Variants in PCDH15 observed in about 807,000 individuals in gnomAD.
PCDH15 encodes protocadherin-15.
PCDH15 carries 129 observed loss-of-function variants against 178.5 expected under a neutral mutation model. The observed-to-expected ratio is 0.72, with a 90% CI of 0.63 to 0.84. The LOEUF (loss-of-function observed/expected upper bound fraction) is 0.84, where lower values mean the gene tolerates loss of function less well. PCDH15 is among the 40% of genes least tolerant of loss of function. PCDH15 has a pLI of 0.00. For synonymous variants in PCDH15, 800 were observed against 732.0 expected, an observed-to-expected ratio of 1.09 and a Z score of -1.50; for missense variants, 2,230 against 2,099.9, an observed-to-expected ratio of 1.06 and a Z score of -1.21.
chr10:54,478,808 T>TA (rs1054082732), intron 3 of PCDH15, among the ~76,000 whole-genome samples: 15 of 151,802 alleles, frequency 9.9e-5, no homozygotes, highest in East Asian at 1.9e-4. Flanking sequence ...ACAGCTGCGG[T>TA]AAAAAAAATC....
intron 3 of PCDH15, among the ~76,000 whole-genome samples, chr10:54,850,322 A>C (rs768581345): frequency 6.6e-6 from 1 of 152,078 alleles, no homozygotes; most frequent in Non-Finnish European, 1.5e-5. Context: ...TTGTGGGAAC[A>C]GGTGGTATTT....
At chr10:55,019,675 A>G (rs977310746) in intron 2 of PCDH15, among the ~76,000 whole-genome samples, 6 of 152,186 alleles carry the variant, frequency 3.9e-5, no homozygotes, top group Non-Finnish European at 7.4e-5. Flanking sequence ...ATCTGTTGCC[A>G]GTATTCATGA....
At chr10:55,454,372 A>G (rs1465104220) in intron 2 of PCDH15, among the ~76,000 whole-genome samples, 1 of 152,126 alleles carries the variant, frequency 6.6e-6, no homozygotes, top group Non-Finnish European at 1.5e-5. Flanking sequence ...CCCCCAATTT[A>G]AAGGGGATTA....
At position 54,800,167 on chromosome 10, in the gene PCDH15, G is replaced by C. The variant is rs147419177; in HGVS notation, c.-29+758C>G. ...GCCATCTGTGTGTACTAGAGACACA[G>C]AGTATCAACACACTGAACCTGAAAC... is the stretch of plus-strand genomic sequence containing the variant. On this transcript the variant is annotated intron_variant, in intron 1 of 37. Transcript: ENST00000644397. 7.3e-3 allele frequency among the ~76,000 whole-genome samples: 1,111 copies of C among 152,196 alleles called. 16 individuals carry two copies. Among genetic ancestry groups the C allele is most frequent in the African/African-American group, 0.026 (1,064 of 41,520 alleles).
chr10:55,223,129 C>T (rs1279726135), intron 1 of PCDH15, among the ~76,000 whole-genome samples: 2 of 151,878 alleles, frequency 1.3e-5, no homozygotes, highest in African/African-American at 2.4e-5. Context: ...CTTATGTGAC[C>T]GAGGTATTAA....
chr10:54,172,303 G>A (rs529971382), intron 13 of PCDH15, among the ~76,000 whole-genome samples: 20 of 151,462 alleles, frequency 1.3e-4, no homozygotes, highest in Admixed American at 4.6e-4. Context: ...AGCACCTTGC[G>A]ACCCCCGACT....
chr10:54,831,357 A>G (rs1469859107), intron 3 of PCDH15, among the ~76,000 whole-genome samples: 1 of 152,156 alleles, frequency 6.6e-6, no homozygotes, highest in Admixed American at 6.6e-5. Context: ...GTGAGATATT[A>G]AATACATTTC....
intron 2 of PCDH15, among the ~76,000 whole-genome samples, chr10:54,602,128 C>G (rs1028143441): frequency 6.6e-6 from 1 of 151,806 alleles, no homozygotes; most frequent in African/African-American, 2.4e-5. Flanking sequence ...ACCCCTAAAC[C>G]TAAAAGTTTT....
At chr10:54,368,212 A>C (rs555443726) in intron 5 of PCDH15, among the ~76,000 whole-genome samples, 10 of 152,190 alleles carry the variant, frequency 6.6e-5, no homozygotes, top group South Asian at 2.1e-4. Flanking sequence ...TAACTAAAAA[A>C]TATTTTTAGT....
At chr10:54,280,252 T>C (rs1341891271) in intron 8 of PCDH15, among the ~76,000 whole-genome samples, 2 of 151,004 alleles carry the variant, frequency 1.3e-5, no homozygotes, top group Admixed American at 6.6e-5. Flanking sequence ...TTCTGTGATT[T>C]TGTTAAACAT....
chr10:54,780,978 C>A (rs181831546), intron 1 of PCDH15, among the ~76,000 whole-genome samples: 1 of 151,958 alleles, frequency 6.6e-6, no homozygotes, highest in African/African-American at 2.4e-5. Flanking sequence ...GAAAATGACA[C>A]GCACAGCCTA....
In PCDH15 at chr10:53,867,405, A is replaced by T. The variant is rs2079534576; in HGVS notation, c.3502-548T>A. ...ATATCGAATTTTCCCAACACAAAGA[A>T]GTGATAACTGTTTGAGATGACAGAT... On this transcript the variant is annotated intron_variant, in intron 26 of 37. Coordinates refer to ENST00000644397, the MANE Select transcript of PCDH15 (RefSeq NM_001384140.1). Among the ~76,000 whole-genome samples, 4 of 152,154 alleles carry T rather than the reference A, an allele frequency of 2.6e-5. No individual in the cohort carries two copies. The South Asian group carries it at 8.3e-4, about 31-fold the overall frequency.
intron 2 of PCDH15, among the ~76,000 whole-genome samples, chr10:55,389,241 T>A (rs538820713): frequency 8.6e-5 from 13 of 151,916 alleles, no homozygotes; most frequent in Non-Finnish European, 1.5e-4. Flanking sequence ...AGGGAAGAAG[T>A]GAAGACCTGT....
At chr10:55,190,274 ACTT>A (rs1839912354) in intron 1 of PCDH15, among the ~76,000 whole-genome samples, 1 of 150,334 alleles carries the variant, frequency 6.7e-6, no homozygotes, top group African/African-American at 2.5e-5. Flanking sequence ...TAAAAAAAAA[ACTT>A]CTGCTGTCAT....
At chr10:55,204,361 T>C (rs1365563563) in intron 1 of PCDH15, among the ~76,000 whole-genome samples, 1 of 151,348 alleles carries the variant, frequency 6.6e-6, no homozygotes, top group Non-Finnish European at 1.5e-5. Flanking sequence ...TGTATATATA[T>C]ACATATGTAC....
At chr10:54,519,132 T>C (rs1297215259) in intron 3 of PCDH15, among the ~76,000 whole-genome samples, 25 of 152,096 alleles carry the variant, frequency 1.6e-4, no homozygotes, top group Admixed American at 5.2e-4. Context: ...ACTGGAAGCA[T>C]TCCCTTTGAA....
intron 1 of PCDH15, among the ~76,000 whole-genome samples, chr10:54,689,504 A>T (rs1311427618): frequency 6.6e-6 from 1 of 152,192 alleles, no homozygotes; most frequent in African/African-American, 2.4e-5. Flanking sequence ...TTTCCTCATT[A>T]ACTTACCAGC....
rs138342325 is a variant in PCDH15, at chr10:54,408,462, C to T, written c.158-29520G>A. The stretch of plus-strand genomic sequence containing the variant: ...AATTTGCCTATAATATTTATCAGTC[C>T]AAAGTGATTTGAAAAGAAAATCTAT... On this transcript the variant is annotated intron_variant, in intron 3 of 37. Coordinates refer to ENST00000644397, the MANE Select transcript of PCDH15 (RefSeq NM_001384140.1). Among the ~76,000 whole-genome samples, 948 of 149,766 alleles carry T rather than the reference C, an allele frequency of 6.3e-3. 9 individuals are homozygous for T. Among genetic ancestry groups the T allele is most frequent in the African/African-American group, 0.023 (920 of 40,688 alleles).
rs184910322 is a variant in PCDH15 at position 54,552,723 on chromosome 10, C to T, written c.92-24846G>A. 1.8e-3 allele frequency among the ~76,000 whole-genome samples: 278 copies of T among 152,192 alleles called. 1 individual carries two copies. Among genetic ancestry groups the T allele is most frequent in the Admixed American group, 0.015 (235 of 15,282 alleles). ...ATGGTAAGTGTAAAAGTAGTATTAA[C>T]TATTAGTATCTACTATATGGGGTTG... On this transcript the variant is annotated intron_variant, in intron 2 of 37. Transcript: ENST00000644397.
Sources: allele counts gnomAD v4.1 joint callset (sites outside exome capture counted in the v4.1 genomes callset), GRCh38; gene constraint gnomAD v4.1.1; transcripts MANE v1.5; gene names NCBI Gene and HGNC (gene_info 2026-07-23, HGNC 2026-07-21).